The following EXT2 variants were observed in gnomAD, a reference collection of about 807,000 sequenced individuals.
EXT2 encodes exostosin-2.
A neutral mutation model predicts 81.6 loss-of-function variants in EXT2; 53 were observed. The observed-to-expected ratio is 0.65, with a 90% confidence interval of 0.52 to 0.82. The LOEUF is 0.82. Among genes scored for constraint, EXT2 ranks in the 40% least tolerant of loss-of-function variants. The pLI, the probability that EXT2 is intolerant of heterozygous loss-of-function variation, is 0.00. For synonymous variants in EXT2, 320 were observed against 340.0 expected (o/e 0.94, Z 0.65); for missense variants, 774 against 910.2 (o/e 0.85, Z 1.93).
chr11:44,123,417 A>C (rs113136154), intron 4 of EXT2, among the ~76,000 whole-genome samples: 2 of 152,208 alleles, frequency 1.3e-5, no homozygotes, highest in Non-Finnish European at 2.9e-5. Flanking sequence ...GCTGGATTTC[A>C]GTGTGTGCTG....
At chr11:44,114,605 A>G (rs577270725) in intron 4 of EXT2, among the ~76,000 whole-genome samples, 30 of 152,202 alleles carry the variant, frequency 2.0e-4, no homozygotes, top group African/African-American at 7.0e-4. Context: ...TCTGCATCCT[A>G]AATACTTCCT....
intron 5 of EXT2, among the ~76,000 whole-genome samples, chr11:44,126,534 T>G (rs1269612498): frequency 6.6e-6 from 1 of 152,194 alleles, no homozygotes; most frequent in Non-Finnish European, 1.5e-5. Flanking sequence ...TTGTTAGCTG[T>G]CTAAGGGAAG....
intron 7 of EXT2, among the ~76,000 whole-genome samples, chr11:44,139,197 C>T (rs1954612189): frequency 6.8e-6 from 1 of 147,734 alleles, no homozygotes; most frequent in Middle Eastern, 3.6e-3. Flanking sequence ...CTTTAGCTGA[C>T]CTTTTTTTTT....
At chr11:44,149,553 C>G (rs1954765487) in intron 7 of EXT2, among the ~76,000 whole-genome samples, 1 of 152,222 alleles carries the variant, frequency 6.6e-6, no homozygotes, top group East Asian at 1.9e-4. Flanking sequence ...GAAAATAAAA[C>G]CTTGTCTAAA....
chr11:44,192,850 G>C (rs1000009999), intron 8 of EXT2, among the ~76,000 whole-genome samples: 4 of 152,272 alleles, frequency 2.6e-5, no homozygotes, highest in Admixed American at 6.5e-5. Flanking sequence ...TTCTTGGTAA[G>C]TATGTATAAA....
intron 8 of EXT2, among the ~76,000 whole-genome samples, chr11:44,186,228 A>G (rs1328991542): frequency 6.6e-6 from 1 of 152,230 alleles, no homozygotes; most frequent in East Asian, 1.9e-4. Context: ...TATCTTTGCC[A>G]GTATCTTAAG....
In EXT2 at chr11:44,251,814, G is replaced by C. The variant is rs1956140325; in HGVS notation, c.*7527G>C. On this transcript the variant is annotated 3_prime_UTR_variant, in exon 14 of 14. Transcript: ENST00000533608. ...CAAATACTTATTGAGCAGTTATTGT[G>C]TGCCAGATACTGTTCTTGGTGTGAG... Among the ~76,000 whole-genome samples, 1 of 152,146 alleles carries C rather than the reference G, an allele frequency of 6.6e-6. No individual in the cohort carries two copies. Among genetic ancestry groups the C allele is most frequent in the African/African-American group, 2.4e-5 (1 of 41,416 alleles).
At chr11:44,102,326 T>A (rs998368975) in intron 1 of EXT2, among the ~76,000 whole-genome samples, 1 of 152,116 alleles carries the variant, frequency 6.6e-6, no homozygotes, top group Admixed American at 6.5e-5. Context: ...CCATCCTGCT[T>A]AGAGACCAGC....
intron 10 of EXT2, among the ~76,000 whole-genome samples, chr11:44,211,473 G>C (rs1157417665): frequency 6.6e-6 from 1 of 152,174 alleles, no homozygotes; most frequent in African/African-American, 2.4e-5. Context: ...TTTGTCATTT[G>C]TGACAACGTG....
At chr11:44,243,090 T>C (rs1246711198) in intron 13 of EXT2, among the ~76,000 whole-genome samples, 5 of 152,210 alleles carry the variant, frequency 3.3e-5, no homozygotes, top group Non-Finnish European at 7.4e-5. Context: ...CAAATTTTTT[T>C]AGAAACATAA....
At chr11:44,096,946 A>G (rs766136391) in intron 1 of EXT2, among the ~76,000 whole-genome samples, 5 of 152,238 alleles carry the variant, frequency 3.3e-5, no homozygotes, top group Non-Finnish European at 7.3e-5. Context: ...GTAATAAAAT[A>G]GATGATTCAG....
chr11:44,218,222 C>T (rs1337169386), intron 10 of EXT2, among the ~76,000 whole-genome samples: 1 of 152,024 alleles, frequency 6.6e-6, no homozygotes, highest in African/African-American at 2.4e-5. Context: ...ATGGAATGCC[C>T]CAGTTTTTTC....
At chr11:44,222,793 A>C (rs1173033874) in intron 10 of EXT2, among the ~76,000 whole-genome samples, 2 of 152,230 alleles carry the variant, frequency 1.3e-5, no homozygotes, top group South Asian at 2.1e-4. Context: ...GACCTCATCA[A>C]AATGTAAAAC....
At chr11:44,111,618 G>T (rs906011390) in intron 3 of EXT2, among the ~76,000 whole-genome samples, 1 of 152,034 alleles carries the variant, frequency 6.6e-6, no homozygotes, top group Non-Finnish European at 1.5e-5. Context: ...TTTTATGTGG[G>T]TGTTTATTTA....
chr11:44,144,180 A>C, intron 7 of EXT2: 4 of 1,404,370 alleles, frequency 2.8e-6, no homozygotes, highest in Non-Finnish European at 4.0e-6. Context: ...AGTTGACCCA[A>C]GTTGTGCTCT....
intron 1 of EXT2, among the ~76,000 whole-genome samples, chr11:44,096,686 T>C (rs909117556): frequency 2.0e-5 from 3 of 152,096 alleles, no homozygotes; most frequent in Admixed American, 6.5e-5. Context: ...TCCAGAGGTG[T>C]TTGGGGCTTT....
At chr11:44,244,060 C>T in intron 13 of EXT2, 89 bp from the exon 14 acceptor site, 1 of 1,218,922 alleles carries the variant, frequency 8.2e-7, no homozygotes, top group Non-Finnish European at 1.2e-6. Flanking sequence ...TATCTCTCAA[C>T]CTCTTGAACA....
At chr11:44,229,650 G>A (rs1332890016) in intron 10 of EXT2, among the ~76,000 whole-genome samples, 1 of 152,346 alleles carries the variant, frequency 6.6e-6, no homozygotes, top group African/African-American at 2.4e-5. Context: ...GTCACAACAT[G>A]TGCTTTAGTG....
intron 4 of EXT2, 119 bp downstream of exon 4, chr11:44,114,420 G>A: frequency 1.2e-6 from 1 of 855,404 alleles, no homozygotes; most frequent in Non-Finnish European, 2.0e-6. Context: ...GGTCCTTGAG[G>A]CACTGAGGCA....
Sources: gnomAD v4.1 joint callset for allele counts (sites outside exome capture counted in the v4.1 genomes callset) on GRCh38, gnomAD v4.1.1 for gene constraint, MANE v1.5 for transcripts, NCBI Gene and HGNC (gene_info 2026-07-23, HGNC 2026-07-21) for gene names.